Variants in RNF38 observed in about 807,000 individuals in gnomAD.
RNF38 encodes the protein ring finger protein 38.
Under a neutral mutation model 67.2 loss-of-function variants are expected in RNF38, and 15 were observed. The ratio of observed to expected loss-of-function variants is 0.22; its 90% confidence interval spans 0.15 to 0.34. RNF38 has a LOEUF of 0.34. Among genes scored for constraint, RNF38 ranks in the 10% least tolerant of loss-of-function variants. The pLI, the probability that RNF38 is intolerant of heterozygous loss-of-function variation, is 1.00. For synonymous variants in RNF38, 220 were observed against 218.8 expected, an observed-to-expected ratio of 1.01 and a Z score of -0.05; for missense variants, 524 against 639.9, an observed-to-expected ratio of 0.82 and a Z score of 1.95.
intron 1 of RNF38, among the ~76,000 whole-genome samples, chr9:36,437,911 G>A (rs938930849): frequency 1.3e-5 from 2 of 152,166 alleles, no homozygotes; most frequent in African/African-American, 4.8e-5. Flanking sequence ...AAGGTTTGTA[G>A]GCATAAATGT....
At chr9:36,445,511 A>G (rs998236356) in intron 1 of RNF38, among the ~76,000 whole-genome samples, 1 of 152,218 alleles carries the variant, frequency 6.6e-6, no homozygotes. Flanking sequence ...ACTGGTCACC[A>G]TATGTATGAA....
At chr9:36,414,037 A>AAGGATAGCGACTC (rs1219125450) in intron 2 of RNF38, among the ~76,000 whole-genome samples, 1 of 152,186 alleles carries the variant, frequency 6.6e-6, no homozygotes, top group Admixed American at 6.5e-5. Context: ...CGTCTGATAT[A>AAGGATAGCGACTC]AGGATAGCGA....
chr9:36,375,825 T>C, intron 3 of RNF38, 109 bp downstream of exon 3: 1 of 958,538 alleles, frequency 1.0e-6, no homozygotes, highest in South Asian at 1.6e-5. Context: ...CGTGTATATG[T>C]GGTGATGTGT....
intron 4 of RNF38, among the ~76,000 whole-genome samples, chr9:36,365,529 T>C (rs541979207): frequency 6.6e-6 from 1 of 151,300 alleles, no homozygotes; most frequent in Non-Finnish European, 1.5e-5. Flanking sequence ...GATCTCACCA[T>C]TGCACTGCAC....
At chr9:36,347,473 T>C (rs1452223732) in intron 9 of RNF38, among the ~76,000 whole-genome samples, 1 of 152,192 alleles carries the variant, frequency 6.6e-6, no homozygotes, top group East Asian at 1.9e-4. Flanking sequence ...GTGTCACATT[T>C]TGGTAATTCT....
At chr9:36,347,683 C>CT (rs1187531122) in intron 9 of RNF38, among the ~76,000 whole-genome samples, 1 of 152,184 alleles carries the variant, frequency 6.6e-6, no homozygotes, top group African/African-American at 2.4e-5. Context: ...TTCCTAGTCT[C>CT]TGAGACACAA....
At chr9:36,451,512 T>TG (rs1230553575) in intron 1 of RNF38, among the ~76,000 whole-genome samples, 1 of 136,770 alleles carries the variant, frequency 7.3e-6, no homozygotes, top group Non-Finnish European at 1.5e-5. Flanking sequence ...TTTTTTTTTT[T>TG]TTTTTGAGAC....
chr9:36,343,479 C>CA (rs1477333657), intron 10 of RNF38, among the ~76,000 whole-genome samples: 2 of 151,924 alleles, frequency 1.3e-5, no homozygotes, highest in African/African-American at 4.8e-5. Flanking sequence ...AGAAGGTACA[C>CA]AAATGGCTAG....
At chr9:36,399,118 G>T (rs966331653) in intron 1 of RNF38, among the ~76,000 whole-genome samples, 1 of 152,146 alleles carries the variant, frequency 6.6e-6, no homozygotes, top group Non-Finnish European at 1.5e-5. Context: ...CAAAAATTAG[G>T]TTATTTTAGT....
chr9:36,397,713 T>C (rs1184701278), intron 1 of RNF38, among the ~76,000 whole-genome samples: 1 of 152,176 alleles, frequency 6.6e-6, no homozygotes, highest in Non-Finnish European at 1.5e-5. Context: ...AAAGAAATCC[T>C]CTATCCATTA....
chr9:36,484,319 T>C (rs893917097), intron 1 of RNF38, among the ~76,000 whole-genome samples: 5 of 152,170 alleles, frequency 3.3e-5, no homozygotes, highest in Non-Finnish European at 7.3e-5. Context: ...AAAACTAGGT[T>C]TAGCAGGTCA....
chr9:36,350,931 T>G (rs956544336), intron 9 of RNF38, among the ~76,000 whole-genome samples, 184 bp downstream of exon 9: 4 of 152,098 alleles, frequency 2.6e-5, no homozygotes, highest in African/African-American at 9.7e-5. Flanking sequence ...TTTTGCAAAT[T>G]TTTAAAAGGT....
At chr9:36,433,609 C>A (rs118185606) in intron 1 of RNF38, among the ~76,000 whole-genome samples, 5,540 of 150,506 alleles carry the variant, frequency 0.037, 120 homozygotes, top group South Asian at 0.058. Flanking sequence ...ACTGGTTGAA[C>A]CTGGGAGGCG....
At chr9:36,421,152 T>C (rs989199785) in intron 2 of RNF38, among the ~76,000 whole-genome samples, 3 of 152,202 alleles carry the variant, frequency 2.0e-5, no homozygotes, top group South Asian at 4.1e-4. Context: ...AATCATCTTT[T>C]CTTCCCCAAT....
chr9:36,408,738 G>A, intron 2 of RNF38, among the ~76,000 whole-genome samples: 1 of 152,118 alleles, frequency 6.6e-6, no homozygotes, highest in South Asian at 2.1e-4. Flanking sequence ...AATACCTGGA[G>A]AGGAAAGCCA....
intron 4 of RNF38, among the ~76,000 whole-genome samples, chr9:36,360,564 C>T (rs1483012891): frequency 2.0e-5 from 3 of 151,998 alleles, no homozygotes; most frequent in South Asian, 2.1e-4. Flanking sequence ...AGTGTTGAGT[C>T]GGTGCTCAAA....
Position 36,353,227 on chromosome 9 carries a change from T to C in RNF38, c.1014A>G (p.Ser338=). ...PSAHPPTLPP[S]APLQFLTHDP... Reference sequence around the variant, plus strand: ...CATGTGTTAAGAACTGCAAGGGAGCTGATGGAGGTAATGTTGGGGGGTGGG... The same window carrying C: ...CATGTGTTAAGAACTGCAAGGGAGCCGATGGAGGTAATGTTGGGGGGTGGG... The change falls in exon 7 of 12, where the codon TCA becomes TCG. Residue 338 remains serine (S), a synonymous_variant. Transcript: ENST00000259605. 5 of 1,613,204 alleles carry C rather than the reference T, an allele frequency of 3.1e-6. No individual in the cohort carries two copies. The highest frequency in any genetic ancestry group is 4.2e-6 in the Non-Finnish European group (5 of 1,179,258).
At chr9:36,390,667 G>A in intron 1 of RNF38, 51 bp from the exon 2 acceptor site, 1 of 1,572,202 alleles carries the variant, frequency 6.4e-7, no homozygotes. Flanking sequence ...GCACCAATGT[G>A]GAGAATCACG....
At chr9:36,341,553 G>A (rs896192255) in intron 11 of RNF38, among the ~76,000 whole-genome samples, 2 of 151,872 alleles carry the variant, frequency 1.3e-5, no homozygotes, top group Non-Finnish European at 2.9e-5. Context: ...AAACTATGAA[G>A]AGTAAAAAAG....
Sources: gnomAD v4.1 joint callset for allele counts (sites outside exome capture counted in the v4.1 genomes callset) on GRCh38, gnomAD v4.1.1 for gene constraint, MANE v1.5 for transcripts, NCBI Gene and HGNC (gene_info 2026-07-23, HGNC 2026-07-21) for gene names.